SLC44A3: variants seen among roughly 807,000 people sequenced by gnomAD.
The protein encoded by SLC44A3 is choline transporter-like protein 3.
In SLC44A3, 74 loss-of-function variants were observed where a neutral mutation model predicts 75.4. The ratio of observed to expected loss-of-function variants is 0.98; its 90% CI spans 0.81 to 1.19. SLC44A3 has a LOEUF of 1.19. Among genes scored for constraint, SLC44A3 ranks in the 50% most tolerant of loss-of-function variants. The pLI, the probability that SLC44A3 is intolerant of heterozygous loss-of-function variation, is 0.00. For synonymous variants in SLC44A3, 310 were observed against 296.9 expected (o/e 1.04, Z -0.45); for missense variants, 700 against 778.6 (o/e 0.90, Z 1.20).
Position 94,848,478 on chromosome 1 carries a change from C to G in SLC44A3, c.1072+3014C>G, listed in dbSNP as rs185357416. On this transcript the variant is annotated intron_variant, in intron 9 of 14. Coordinates refer to ENST00000271227, the MANE Select transcript of SLC44A3 (RefSeq NM_001114106.3). The stretch of plus-strand genomic sequence containing the variant: ...CAGTGAGGTCTTAGGAAATATGGCT[C>G]AGGACCAGTGAAGGACCCTCCTCTT... Among the ~76,000 whole-genome samples, 588 of 152,302 alleles carry G rather than the reference C, an allele frequency of 3.9e-3. 5 individuals are homozygous for G. Among genetic ancestry groups the G allele is most frequent in the African/African-American group, 0.014 (562 of 41,574 alleles).
chr1:94,886,554 C>T (rs991386044), intron 12 of SLC44A3, among the ~76,000 whole-genome samples: 2 of 152,092 alleles, frequency 1.3e-5, no homozygotes, highest in South Asian at 2.1e-4. Context: ...GGGGCCAGCT[C>T]GTATGCCACT....
chr1:94,858,180 A>G (rs771537842), intron 10 of SLC44A3, among the ~76,000 whole-genome samples: 10 of 152,316 alleles, frequency 6.6e-5, no homozygotes, highest in Non-Finnish European at 1.3e-4. Context: ...AATTGACTTC[A>G]GACAAAAAAA....
chr1:94,860,079 T>C (rs1435187881), intron 10 of SLC44A3, among the ~76,000 whole-genome samples: 1 of 152,160 alleles, frequency 6.6e-6, no homozygotes, highest in Non-Finnish European at 1.5e-5. Flanking sequence ...TGAATGCCTC[T>C]AAGTGAAAGA....
chr1:94,872,392 G>A (rs1357642396), intron 12 of SLC44A3, among the ~76,000 whole-genome samples: 2 of 151,856 alleles, frequency 1.3e-5, no homozygotes, highest in Non-Finnish European at 2.9e-5. Context: ...CACCGTGCCC[G>A]GCCTTTTGTT....
chr1:94,873,676 C>T (rs1262986496), intron 12 of SLC44A3, among the ~76,000 whole-genome samples: 3 of 152,190 alleles, frequency 2.0e-5, no homozygotes, highest in Non-Finnish European at 2.9e-5. Flanking sequence ...CTGTCTTTCT[C>T]GTAGTCCATC....
At chr1:94,840,097 G>A in intron 7 of SLC44A3, 60 bp downstream of exon 7, 1 of 1,435,162 alleles carries the variant, frequency 7.0e-7, no homozygotes, top group Non-Finnish European at 9.8e-7. Context: ...TTTACATTAA[G>A]TACAGAACTT....
chr1:94,855,789 G>A (rs530933802), intron 9 of SLC44A3, among the ~76,000 whole-genome samples: 54 of 152,286 alleles, frequency 3.5e-4, no homozygotes, highest in African/African-American at 1.3e-3. Context: ...AATATCTAAG[G>A]ACTCCTGAAT....
intron 3 of SLC44A3, among the ~76,000 whole-genome samples, chr1:94,826,340 T>C (rs1443516308): frequency 2.6e-5 from 4 of 152,232 alleles, no homozygotes; most frequent in Non-Finnish European, 5.9e-5. Context: ...AATGTACTAA[T>C]GTCACTGTAC....
At chr1:94,855,049 T>C (rs1311706591) in intron 9 of SLC44A3, among the ~76,000 whole-genome samples, 2 of 152,190 alleles carry the variant, frequency 1.3e-5, no homozygotes, top group African/African-American at 4.8e-5. Flanking sequence ...TCTGCTTCTT[T>C]GGGGAGTGCC....
At chr1:94,873,136 A>G (rs1399289370) in intron 12 of SLC44A3, among the ~76,000 whole-genome samples, 4 of 152,248 alleles carry the variant, frequency 2.6e-5, no homozygotes, top group Non-Finnish European at 5.9e-5. Context: ...TCTCAACAGT[A>G]GGAGTGTACT....
chr1:94,883,525 A>G (rs567398911), intron 12 of SLC44A3, among the ~76,000 whole-genome samples: 1 of 152,174 alleles, frequency 6.6e-6, no homozygotes, highest in African/African-American at 2.4e-5. Flanking sequence ...AAACAAACAA[A>G]GACAACTTAG....
chr1:94,844,399 T>C (rs904600843), intron 8 of SLC44A3, among the ~76,000 whole-genome samples: 1 of 152,162 alleles, frequency 6.6e-6, no homozygotes, highest in Non-Finnish European at 1.5e-5. Context: ...AGGTTTTTAT[T>C]TGGAGGTTGT....
At chr1:94,894,759 C>CTACGTT in intron 14 of SLC44A3, 59 bp from the exon 15 acceptor site, 1 of 1,437,834 alleles carries the variant, frequency 7.0e-7, no homozygotes, top group Non-Finnish European at 9.6e-7. Context: ...CCCTCGGCCC[C>CTACGTT]TACGTTATCA....
At chr1:94,858,142 G>A (rs1448024618) in intron 10 of SLC44A3, among the ~76,000 whole-genome samples, 3 of 151,940 alleles carry the variant, frequency 2.0e-5, no homozygotes, top group Non-Finnish European at 4.4e-5. Flanking sequence ...AAAAGGAAGG[G>A]TGGAACTCCC....
intron 12 of SLC44A3, among the ~76,000 whole-genome samples, chr1:94,887,885 C>T (rs1466772158): frequency 6.6e-6 from 1 of 152,118 alleles, no homozygotes; most frequent in African/African-American, 2.4e-5. Context: ...GGATTAAAGC[C>T]TACAGGTAAA....
rs1427518473 is a variant in SLC44A3, at chr1:94,891,212, C to T, written c.1565C>T (p.Ser522Leu). 1 of 1,613,574 alleles carries T rather than the reference C, an allele frequency of 6.2e-7. No homozygotes were observed. The highest frequency in any genetic ancestry group is 1.1e-5 in the South Asian group (1 of 91,022). The change falls in exon 13 of 15, where the codon TCA (serine) becomes TTA (leucine). Residue 522 changes from serine to leucine, a missense_variant. Ser to Leu is a moderately radical substitution (Grantham distance 145). Coordinates refer to ENST00000271227, the MANE Select transcript of SLC44A3 (RefSeq NM_001114106.3). ...GCATTCAAAATCTTGTCCAAGAACTCAAGTCACTTTACATCTATTAACTGC... is the reference window on the plus strand; with the variant it reads ...GCATTCAAAATCTTGTCCAAGAACTTAAGTCACTTTACATCTATTAACTGC... ...KDAFKILSKN[S>L]SHFTSINCFG...
intron 11 of SLC44A3, 86 bp downstream of exon 11, chr1:94,864,985 C>T: frequency 4.8e-6 from 7 of 1,448,168 alleles, no homozygotes; most frequent in Non-Finnish European, 6.6e-6. Flanking sequence ...GGTCCCAGGA[C>T]AGAAATGTGA....
chr1:94,827,675 C>G (rs756980155), intron 4 of SLC44A3, 32 bp downstream of exon 4: 1 of 1,611,094 alleles, frequency 6.2e-7, no homozygotes, highest in South Asian at 1.1e-5. Context: ...GTTCTTTTCC[C>G]CATGATGGGG....
intron 6 of SLC44A3, among the ~76,000 whole-genome samples, chr1:94,839,591 G>A (rs1338357718): frequency 6.6e-6 from 1 of 152,088 alleles, no homozygotes; most frequent in Non-Finnish European, 1.5e-5. Context: ...GTTTTGCCAG[G>A]TTGGCCAGGC....
Sources: gnomAD v4.1 joint callset for allele counts (sites outside exome capture counted in the v4.1 genomes callset) on GRCh38, gnomAD v4.1.1 for gene constraint, MANE v1.5 for transcripts, NCBI Gene and HGNC (gene_info 2026-07-23, HGNC 2026-07-21) for gene names.